The following SPOCK1 variants were observed in gnomAD, a reference collection of about 807,000 sequenced individuals.
The protein encoded by SPOCK1 is testican-1.
A neutral mutation model predicts 55.3 loss-of-function variants in SPOCK1; 23 were observed. That is an observed-to-expected ratio of 0.42 (90% confidence interval 0.30 to 0.59). The LOEUF (loss-of-function observed/expected upper bound fraction) is 0.59. Ranked by LOEUF, SPOCK1 falls within the 20% of genes least tolerant of loss-of-function variation. SPOCK1 has a pLI of 0.22. For missense variants in SPOCK1, 499 were observed against 552.5 expected (o/e 0.90, Z 0.97); for synonymous variants, 226 against 221.0 (o/e 1.02, Z -0.20).
chr5:137,282,831 C>G (rs1261105833), intron 2 of SPOCK1, among the ~76,000 whole-genome samples: 1 of 152,212 alleles, frequency 6.6e-6, no homozygotes, highest in African/African-American at 2.4e-5. Flanking sequence ...CCCAGAAATA[C>G]TGCACTAGAC....
intron 3 of SPOCK1, among the ~76,000 whole-genome samples, chr5:137,202,413 C>T (rs1268280421): frequency 6.6e-6 from 1 of 152,144 alleles, no homozygotes; most frequent in Non-Finnish European, 1.5e-5. Flanking sequence ...ACATGACAAA[C>T]CAGAAAAGCC....
At chr5:137,277,757 A>G (rs1757095066) in intron 2 of SPOCK1, among the ~76,000 whole-genome samples, 2 of 152,190 alleles carry the variant, frequency 1.3e-5, no homozygotes, top group East Asian at 3.9e-4. Context: ...CCAAGAAAGC[A>G]GGCAGGACAC....
intron 2 of SPOCK1, among the ~76,000 whole-genome samples, chr5:137,440,694 G>A (rs986227502): frequency 1.3e-5 from 2 of 152,132 alleles, no homozygotes; most frequent in Non-Finnish European, 2.9e-5. Flanking sequence ...GTCGTGATTT[G>A]GTTCCCTGGA....
intron 4 of SPOCK1, among the ~76,000 whole-genome samples, chr5:137,133,362 T>A (rs1367320774): frequency 6.9e-5 from 9 of 131,346 alleles, no homozygotes; most frequent in Admixed American, 1.6e-4. Context: ...AGAGTGAGAC[T>A]CCATCTCAAA....
At chr5:137,480,623 T>A (rs1187548744) in intron 2 of SPOCK1, among the ~76,000 whole-genome samples, 3 of 152,312 alleles carry the variant, frequency 2.0e-5, no homozygotes, top group Non-Finnish European at 4.4e-5. Flanking sequence ...AAATGGCCCA[T>A]GAGTGTGACA....
At chr5:137,386,829 A>T (rs10040268) in intron 2 of SPOCK1, among the ~76,000 whole-genome samples, 1 of 152,182 alleles carries the variant, frequency 6.6e-6, no homozygotes, top group Non-Finnish European at 1.5e-5. Flanking sequence ...AAACTTAAAA[A>T]TTTCTGCTGT....
chr5:137,001,572 G>T (rs1194052108), intron 6 of SPOCK1, among the ~76,000 whole-genome samples: 1 of 152,130 alleles, frequency 6.6e-6, no homozygotes, highest in Non-Finnish European at 1.5e-5. Context: ...CCATGCACTT[G>T]AGTGCAAGGT....
chr5:137,479,693 G>A (rs1753908746), intron 2 of SPOCK1, among the ~76,000 whole-genome samples: 2 of 152,230 alleles, frequency 1.3e-5, no homozygotes, highest in African/African-American at 2.4e-5. Flanking sequence ...TGGTGTCCTG[G>A]GACAACGCAG....
chr5:137,350,687 T>C (rs1463116709), intron 2 of SPOCK1, among the ~76,000 whole-genome samples: 1 of 152,112 alleles, frequency 6.6e-6, no homozygotes, highest in Non-Finnish European at 1.5e-5. Flanking sequence ...CCTCATCCTC[T>C]TGTTTTCAGT....
At chr5:137,398,434 T>C (rs1360979566) in intron 2 of SPOCK1, among the ~76,000 whole-genome samples, 1 of 152,132 alleles carries the variant, frequency 6.6e-6, no homozygotes, top group African/African-American at 2.4e-5. Flanking sequence ...CATTAAGCAA[T>C]GTATCTGGCC....
chr5:137,492,855 A>T (rs779609590), intron 2 of SPOCK1, among the ~76,000 whole-genome samples: 2 of 152,124 alleles, frequency 1.3e-5, no homozygotes, highest in East Asian at 1.9e-4. Context: ...TGGTGAGTTC[A>T]TTTCTTGTTT....
At chr5:137,332,222 C>T (rs534283242) in intron 2 of SPOCK1, among the ~76,000 whole-genome samples, 2 of 152,158 alleles carry the variant, frequency 1.3e-5, no homozygotes, top group East Asian at 1.9e-4. Context: ...CACTCCCCCC[C>T]AGCCCTCTTC....
chr5:137,355,609 T>A (rs1014138894), intron 2 of SPOCK1, among the ~76,000 whole-genome samples: 2 of 152,140 alleles, frequency 1.3e-5, no homozygotes, highest in African/African-American at 4.8e-5. Context: ...CTGGGCACCA[T>A]GAGTGTTTGC....
rs142064183 is a variant in SPOCK1, at chr5:137,009,254, C to T, written c.590-16654G>A. Among the ~76,000 whole-genome samples, 40 of 152,224 alleles carry T rather than the reference C, an allele frequency of 2.6e-4. No homozygotes were observed. In the East Asian group the frequency reaches 7.5e-3, roughly 29 times the overall value. Reference sequence around the variant, plus strand: ...ACACCTACAGATAAGCATATAAATACATTTGAAGTAGCATGTATAAGGCTA... The same window carrying T: ...ACACCTACAGATAAGCATATAAATATATTTGAAGTAGCATGTATAAGGCTA... On this transcript the variant is annotated intron_variant, in intron 6 of 10. Transcript: ENST00000394945.
At chr5:137,154,886 G>A (rs192417299) in intron 3 of SPOCK1, among the ~76,000 whole-genome samples, 143 of 152,308 alleles carry the variant, frequency 9.4e-4, no homozygotes, top group Middle Eastern at 6.8e-3. Flanking sequence ...AATTATGTAG[G>A]AAGGGCCGAA....
At chr5:137,021,622 T>G (rs1273544027) in intron 6 of SPOCK1, among the ~76,000 whole-genome samples, 1 of 152,208 alleles carries the variant, frequency 6.6e-6, no homozygotes, top group African/African-American at 2.4e-5. Flanking sequence ...TTAAGGTAGT[T>G]CTGAGCCTAA....
intron 6 of SPOCK1, among the ~76,000 whole-genome samples, chr5:137,008,035 A>G (rs1751283239): frequency 6.6e-6 from 1 of 151,498 alleles, no homozygotes; most frequent in Non-Finnish European, 1.5e-5. Context: ...AAACTAACAC[A>G]GGAACAGAAA....
At chr5:137,044,021 T>G (rs1236772331) in intron 6 of SPOCK1, among the ~76,000 whole-genome samples, 1 of 152,222 alleles carries the variant, frequency 6.6e-6, no homozygotes, top group Non-Finnish European at 1.5e-5. Flanking sequence ...AATATTTCTA[T>G]AAATCTAAAA....
chr5:137,092,345 A>C (rs973923992), intron 5 of SPOCK1, among the ~76,000 whole-genome samples: 3 of 152,210 alleles, frequency 2.0e-5, no homozygotes, highest in Non-Finnish European at 4.4e-5. Flanking sequence ...GGCATTCCTG[A>C]GGAAGCGACC....
Sources: allele counts gnomAD v4.1 joint callset (sites outside exome capture counted in the v4.1 genomes callset), GRCh38; gene constraint gnomAD v4.1.1; transcripts MANE v1.5; gene names NCBI Gene and HGNC (gene_info 2026-07-23, HGNC 2026-07-21).